The following DCBLD2 variants were observed in gnomAD, a reference collection of about 807,000 sequenced individuals.
The protein encoded by DCBLD2 is discoidin, CUB and LCCL domain containing 2, also known as discoidin, CUB and LCCL domain-containing protein 2.
A neutral mutation model predicts 86.8 loss-of-function variants in DCBLD2; 54 were observed. The ratio of observed to expected loss-of-function variants is 0.62; its 90% confidence interval spans 0.50 to 0.78. The LOEUF (loss-of-function observed/expected upper bound fraction) is 0.78. DCBLD2 is among the 30% of genes least tolerant of loss of function. DCBLD2 has a pLI of 0.00. For synonymous variants in DCBLD2, 354 were observed against 341.3 expected (o/e 1.04, Z -0.41); for missense variants, 908 against 954.2 (o/e 0.95, Z 0.64).
chr3:98,860,809 GCAT>G (rs1313322532), intron 2 of DCBLD2, among the ~76,000 whole-genome samples: 1 of 152,166 alleles, frequency 6.6e-6, no homozygotes. Context: ...GGAAGAAACT[GCAT>G]CAACTAACAA....
chr3:98,839,177 T>TTCC (rs1559781590), intron 3 of DCBLD2, among the ~76,000 whole-genome samples: 4 of 54,874 alleles, frequency 7.3e-5, no homozygotes, highest in Non-Finnish European at 1.6e-4. Context: ...CTTTCCTTTC[T>TTCC]TTCTTCCTTC....
intron 1 of DCBLD2, among the ~76,000 whole-genome samples, chr3:98,888,664 T>A (rs1161277063): frequency 1.3e-5 from 2 of 152,074 alleles, no homozygotes; most frequent in South Asian, 2.1e-4. Context: ...CCATTGTTTA[T>A]TGACCCAGTA....
At position 98,817,657 on chromosome 3, in the gene DCBLD2, GT is replaced by G. The variant is rs1942047158; in HGVS notation, c.1212+111del. 3 of 990,110 alleles carry G rather than the reference GT, an allele frequency of 3.0e-6. No homozygotes were observed. In the East Asian group the frequency reaches 8.3e-5, roughly 27 times the overall value. The allele number at this position is 990,110 out of a possible 1,614,324, so 61.3% of individuals were successfully genotyped here. ...CACTACCTAAAATAACCACAAGAGG[GT>G]AGTATAAGACATTCTAAACTTCTAC... is the stretch of plus-strand genomic sequence containing the variant. On this transcript the variant is annotated intron_variant, in intron 9 of 15. Transcript: ENST00000326840.
At chr3:98,885,987 T>C (rs1943555316) in intron 1 of DCBLD2, among the ~76,000 whole-genome samples, 1 of 151,500 alleles carries the variant, frequency 6.6e-6, no homozygotes, top group African/African-American at 2.4e-5. Context: ...ACCTTAAAAG[T>C]GAATAGTGCT....
In DCBLD2 at chr3:98,801,717, C is replaced by T. The variant is rs1941723593; in HGVS notation, c.1671-68G>A. On this transcript the variant is annotated intron_variant, in intron 13 of 15. Coordinates refer to ENST00000326840, the MANE Select transcript of DCBLD2 (RefSeq NM_080927.4). ...ACTGGTAAGCCTGCTCCCCCTACCC[C>T]ATGACAGGCCTTGGTATGTGATATT... 3.4e-6 allele frequency: 4 copies of T among 1,181,602 alleles called. No individual in the cohort carries two copies. The South Asian group carries it at 4.3e-5, about 13-fold the overall frequency. 73.2% of individuals were successfully genotyped at this position (1,181,602 alleles called of 1,614,324 possible). A position where few individuals can be genotyped will look rare whatever the true frequency, so the allele number is the denominator to read the frequency against.
intron 2 of DCBLD2, among the ~76,000 whole-genome samples, chr3:98,865,401 T>C (rs1039939807): frequency 2.6e-5 from 4 of 152,120 alleles, no homozygotes; most frequent in Non-Finnish European, 4.4e-5. Flanking sequence ...CACTCACATG[T>C]AGAATCTAAA....
chr3:98,898,382 CTACCTCTCCATACT>C (rs1438328173), intron 1 of DCBLD2, among the ~76,000 whole-genome samples: 4 of 150,414 alleles, frequency 2.7e-5, no homozygotes, highest in Non-Finnish European at 4.4e-5. Context: ...AAGCACATTT[CTACCTCTCCATACT>C]AGATGCATTT....
At chr3:98,875,489 T>C (rs534599873) in intron 2 of DCBLD2, among the ~76,000 whole-genome samples, 1 of 152,282 alleles carries the variant, frequency 6.6e-6, no homozygotes, top group Admixed American at 6.5e-5. Context: ...AGTTAATTTA[T>C]AAACAGTATA....
At chr3:98,858,360 G>A (rs1942976371) in intron 2 of DCBLD2, among the ~76,000 whole-genome samples, 3 of 152,238 alleles carry the variant, frequency 2.0e-5, no homozygotes, top group African/African-American at 2.4e-5. Context: ...GCCAGCCCAG[G>A]AAGGGGCTCC....
chr3:98,825,804 C>T (rs2107453337), intron 3 of DCBLD2, among the ~76,000 whole-genome samples: 1 of 151,788 alleles, frequency 6.6e-6, no homozygotes, highest in Middle Eastern at 3.4e-3. Context: ...GCTGTTTGCA[C>T]ATAAGGAAAA....
intron 9 of DCBLD2, chr3:98,816,268 C>G (rs1181268835): frequency 6.7e-6 from 1 of 149,536 alleles, no homozygotes; most frequent in African/African-American, 2.4e-5. Flanking sequence ...CAAAAAACCA[C>G]TGATCAACCC....
intron 15 of DCBLD2, 90 bp from the exon 16 acceptor site, chr3:98,799,931 A>G (rs1941686552): frequency 9.0e-7 from 1 of 1,115,752 alleles, no homozygotes; most frequent in African/African-American, 1.6e-5. Context: ...TACTAAAAGC[A>G]AACATTCTTT....
chr3:98,867,208 AT>A (rs1943164825), intron 2 of DCBLD2, among the ~76,000 whole-genome samples: 1 of 152,308 alleles, frequency 6.6e-6, no homozygotes, highest in African/African-American at 2.4e-5. Flanking sequence ...TTGGTTCCAT[AT>A]GAACTTTAAA....
intron 2 of DCBLD2, among the ~76,000 whole-genome samples, chr3:98,860,295 A>C (rs914376181): frequency 4.6e-5 from 7 of 152,310 alleles, no homozygotes; most frequent in Admixed American, 4.6e-4. Context: ...GTTGGAAAAC[A>C]CTCTGCAGGA....
intron 2 of DCBLD2, among the ~76,000 whole-genome samples, chr3:98,873,779 T>C (rs1306960536): frequency 2.0e-5 from 3 of 151,796 alleles, no homozygotes; most frequent in African/African-American, 7.3e-5. Flanking sequence ...AGAAAAACAA[T>C]AGTTCTAATA....
chr3:98,819,026 T>A (rs1422791627), intron 8 of DCBLD2, among the ~76,000 whole-genome samples, 176 bp downstream of exon 8: 1 of 152,198 alleles, frequency 6.6e-6, no homozygotes, highest in Non-Finnish European at 1.5e-5. Flanking sequence ...ATAACTCCTT[T>A]TCTCTGCCAT....
At chr3:98,842,490 T>G (rs753401359) in intron 3 of DCBLD2, among the ~76,000 whole-genome samples, 4 of 152,192 alleles carry the variant, frequency 2.6e-5, no homozygotes, top group Non-Finnish European at 5.9e-5. Context: ...CAGAGCCAAT[T>G]AACATTTACT....
rs1377270642 is a variant in DCBLD2, at chr3:98,797,120, A to G, written c.*2252T>C. 6.6e-6 allele frequency: 1 copy of G among 152,040 alleles called. No individual in the cohort carries two copies. Among genetic ancestry groups the G allele is most frequent in the Non-Finnish European group, 1.5e-5 (1 of 67,886 alleles). 9.4% of individuals were successfully genotyped at this position (152,040 alleles called of 1,614,324 possible). Reference sequence around the variant, plus strand: ...AAGTATAAAGCAGAAAAACCATTTGAATCAGGCTCAGCTCTTCATCTGGAA... The same window carrying G: ...AAGTATAAAGCAGAAAAACCATTTGGATCAGGCTCAGCTCTTCATCTGGAA... On this transcript the variant is annotated 3_prime_UTR_variant, in exon 16 of 16. Coordinates refer to ENST00000326840, the MANE Select transcript of DCBLD2 (RefSeq NM_080927.4).
At chr3:98,869,569 C>T (rs1330333581) in intron 2 of DCBLD2, among the ~76,000 whole-genome samples, 2 of 152,198 alleles carry the variant, frequency 1.3e-5, no homozygotes, top group East Asian at 1.9e-4. Context: ...TCAGGTCTTA[C>T]ATTTGACCCT....
Sources: gnomAD v4.1 joint callset for allele counts (sites outside exome capture counted in the v4.1 genomes callset) on GRCh38, gnomAD v4.1.1 for gene constraint, MANE v1.5 for transcripts, NCBI Gene and HGNC (gene_info 2026-07-23, HGNC 2026-07-21) for gene names.